The following LNPEP variants were observed in gnomAD, a reference collection of about 807,000 sequenced individuals.
The protein encoded by LNPEP is leucyl-cystinyl aminopeptidase.
LNPEP carries 64 observed loss-of-function variants against 120.6 expected under a neutral mutation model. That is an observed-to-expected ratio of 0.53 (90% CI 0.43 to 0.65). LNPEP has a LOEUF of 0.65. Ranked by LOEUF, LNPEP falls within the 30% of genes least tolerant of loss-of-function variation. LNPEP has a pLI of 0.00. For missense variants in LNPEP, 1,057 were observed against 1,200.0 expected, an observed-to-expected ratio of 0.88 and a Z score of 1.76; for synonymous variants, 435 against 425.4, an observed-to-expected ratio of 1.02 and a Z score of -0.28.
chr5:97,022,757 A>G (rs577283209), intron 14 of LNPEP, among the ~76,000 whole-genome samples: 135 of 148,616 alleles, frequency 9.1e-4, no homozygotes, highest in African/African-American at 3.2e-3. Context: ...ATTTAGCATT[A>G]GGTATATCTC....
intron 8 of LNPEP, among the ~76,000 whole-genome samples, chr5:97,002,481 T>C (rs1790679404): frequency 6.6e-6 from 1 of 152,140 alleles, no homozygotes. Flanking sequence ...ATAGAACAAG[T>C]AATAGCTATG....
At chr5:96,967,247 CATTTA>C (rs1789749311) in intron 1 of LNPEP, among the ~76,000 whole-genome samples, 1 of 152,098 alleles carries the variant, frequency 6.6e-6, no homozygotes, top group East Asian at 1.9e-4. Flanking sequence ...TACTATACTG[CATTTA>C]CACAGTAAAA....
chr5:97,027,439 T>G (rs191260884), intron 16 of LNPEP, among the ~76,000 whole-genome samples: 6 of 152,232 alleles, frequency 3.9e-5, no homozygotes, highest in Admixed American at 3.9e-4. Context: ...GATGTAGGTT[T>G]TTTGCTTCTT....
chr5:96,964,808 A>T (rs1561433870), intron 1 of LNPEP, among the ~76,000 whole-genome samples: 2 of 152,190 alleles, frequency 1.3e-5, no homozygotes, highest in Admixed American at 1.3e-4. Context: ...GTTTGAGATC[A>T]TGTGAAAGGG....
At chr5:96,969,429 C>G (rs1000100819) in intron 1 of LNPEP, among the ~76,000 whole-genome samples, 2 of 151,934 alleles carry the variant, frequency 1.3e-5, no homozygotes, top group African/African-American at 4.8e-5. Flanking sequence ...TTATTACTGG[C>G]TAAATAATTT....
At chr5:97,014,888 T>G (rs1791026349) in intron 12 of LNPEP, 51 bp from the exon 13 acceptor site, 6 of 1,328,040 alleles carry the variant, frequency 4.5e-6, no homozygotes, top group Non-Finnish European at 5.0e-6. Context: ...ATGCATAGAC[T>G]TCTTCTGTGT....
chr5:96,966,656 G>T (rs903165433), intron 1 of LNPEP, among the ~76,000 whole-genome samples: 1 of 151,776 alleles, frequency 6.6e-6, no homozygotes, highest in African/African-American at 2.4e-5. Flanking sequence ...GATAATAACT[G>T]CCCTGTCTAC....
chr5:96,948,121 T>TTG (rs1467569944), intron 1 of LNPEP, among the ~76,000 whole-genome samples: 2 of 132,246 alleles, frequency 1.5e-5, no homozygotes, highest in African/African-American at 5.2e-5. Context: ...CAAATTTCTC[T>TTG]TTTTTTTTTT....
chr5:96,953,118 T>C (rs1789363376), intron 1 of LNPEP, among the ~76,000 whole-genome samples: 1 of 151,760 alleles, frequency 6.6e-6, no homozygotes, highest in Non-Finnish European at 1.5e-5. Flanking sequence ...GACCAGCCCG[T>C]GGGGTTTGAC....
Position 96,954,745 on chromosome 5 carries a change from T to TATACAC in LNPEP, c.19+18572_19+18573insTACACA, listed in dbSNP as rs1461179333. ...ATACATATATATATACATATATATATACACATATATATATATATATATATA... is the reference window on the plus strand; with the variant it reads ...ATACATATATATATACATATATATATATACACACACATATATATATATATATATATA... On this transcript the variant is annotated intron_variant, in intron 1 of 17. Transcript: ENST00000231368. Among the ~76,000 whole-genome samples the TATACAC allele has an allele frequency of 6.5e-4, 31 of 47,872 alleles. 4 individuals carry two copies. The highest frequency in any genetic ancestry group is 1.7e-3 in the South Asian group (3 of 1,770). 31.4% of individuals were successfully genotyped at this position (47,872 alleles called of 152,430 possible). A position where few individuals can be genotyped will look rare whatever the true frequency, so the allele number is the denominator to read the frequency against.
Position 97,031,247 on chromosome 5 carries a change from T to A in LNPEP, c.*2714T>A, listed in dbSNP as rs1449326822. 6.6e-6 allele frequency: 1 copy of A among 151,866 alleles called. No homozygotes were observed. The highest frequency in any genetic ancestry group is 1.5e-5 in the Non-Finnish European group (1 of 67,986). 9.4% of individuals were successfully genotyped at this position (151,866 alleles called of 1,614,324 possible). ...ATGCTTTGGAGATCTAAAAAAGTTA[T>A]GAATGTAGGAATTAGATAAGTCCAG... On this transcript the variant is annotated 3_prime_UTR_variant, in exon 18 of 18. Transcript: ENST00000231368.
At position 97,029,915 on chromosome 5, in the gene LNPEP, A is replaced by C. The variant is rs988421504; in HGVS notation, c.*1382A>C. 6.6e-6 allele frequency: 1 copy of C among 152,112 alleles called. No homozygotes were observed. The highest frequency in any genetic ancestry group is 2.4e-5 in the African/African-American group (1 of 41,446). The allele number at this position is 152,112 out of a possible 1,614,324, so 9.4% of individuals were successfully genotyped here. On this transcript the variant is annotated 3_prime_UTR_variant, in exon 18 of 18. Coordinates refer to ENST00000231368, the MANE Select transcript of LNPEP (RefSeq NM_005575.3). The stretch of plus-strand genomic sequence containing the variant: ...AGATTGTTGTGTTTCTTTGATTCTT[A>C]GGAGAAAAGCTTTCTTCCTAATAAT...
chr5:97,011,201 T>G, intron 11 of LNPEP: 1 of 985,172 alleles, frequency 1.0e-6, no homozygotes. Flanking sequence ...TCTGTAGCCC[T>G]TCTTTCTGGG....
At chr5:96,983,215 G>C (rs1351834811) in intron 2 of LNPEP, among the ~76,000 whole-genome samples, 1 of 152,102 alleles carries the variant, frequency 6.6e-6, no homozygotes, top group African/African-American at 2.4e-5. Flanking sequence ...TCTTCTAGTA[G>C]TGGAAACTAA....
At position 97,027,799 on chromosome 5, in the gene LNPEP, GAC is replaced by G; in HGVS notation, c.2935_2936del (p.His979PhefsTer3). Reference sequence around the variant, plus strand: ...GATCAACTTACCTGTTTTCAACAAAGACACATTTATCTGAGGTTGGTTTTATA... The same window carrying G: ...GATCAACTTACCTGTTTTCAACAAAGACATTTATCTGAGGTTGGTTTTATA... The part of the protein sequence containing the change: ...AGSTYLFSTK[T>X]HLSEVQAFFE... On this transcript the variant is annotated frameshift_variant, in exon 17 of 18. Transcript: ENST00000231368. LOFTEE classifies it high-confidence loss of function. 1 of 1,603,976 alleles carries G rather than the reference GAC, an allele frequency of 6.2e-7. No individual in the cohort carries two copies. Among genetic ancestry groups the G allele is most frequent in the Non-Finnish European group, 8.5e-7 (1 of 1,170,792 alleles).
At chr5:96,967,350 G>T (rs1253042247) in intron 1 of LNPEP, among the ~76,000 whole-genome samples, 1 of 151,686 alleles carries the variant, frequency 6.6e-6, no homozygotes, top group Non-Finnish European at 1.5e-5. Context: ...TCACTGTGTT[G>T]TCCAGAGTGG....
At chr5:96,963,482 A>G (rs769817915) in intron 1 of LNPEP, among the ~76,000 whole-genome samples, 1 of 152,160 alleles carries the variant, frequency 6.6e-6, no homozygotes, top group Non-Finnish European at 1.5e-5. Flanking sequence ...CCAGTTGATG[A>G]TGGCTTTTGA....
At chr5:96,977,929 A>G (rs1790041176) in intron 1 of LNPEP, among the ~76,000 whole-genome samples, 1 of 152,148 alleles carries the variant, frequency 6.6e-6, no homozygotes, top group South Asian at 2.1e-4. Context: ...AAATTTTTAG[A>G]CCTGTGCTTT....
intron 1 of LNPEP, among the ~76,000 whole-genome samples, chr5:96,977,559 G>T (rs906803521): frequency 6.6e-6 from 1 of 152,112 alleles, no homozygotes; most frequent in African/African-American, 2.4e-5. Context: ...TCGTATTCTA[G>T]GTGGAGACTT....
Sources: gnomAD v4.1 joint callset for allele counts (sites outside exome capture counted in the v4.1 genomes callset) on GRCh38, gnomAD v4.1.1 for gene constraint, MANE v1.5 for transcripts, NCBI Gene and HGNC (gene_info 2026-07-23, HGNC 2026-07-21) for gene names.